KAZN: variants seen among roughly 807,000 people sequenced by gnomAD.
KAZN encodes kazrin, periplakin interacting protein.
Under a neutral mutation model 87.4 loss-of-function variants are expected in KAZN, and 40 were observed. The ratio of observed to expected loss-of-function variants is 0.46; its 90% CI spans 0.36 to 0.60. The LOEUF (loss-of-function observed/expected upper bound fraction) is 0.60, where lower values mean the gene tolerates loss of function less well. KAZN is among the 20% of genes least tolerant of loss of function. The pLI is 0.00. For missense variants in KAZN, 898 were observed against 1,073.9 expected (o/e 0.84, Z 2.29); for synonymous variants, 466 against 458.3 (o/e 1.02, Z -0.22).
intron 2 of KAZN, among the ~76,000 whole-genome samples, chr1:14,567,416 G>A (rs994606306): frequency 6.6e-6 from 1 of 152,168 alleles, no homozygotes; most frequent in Non-Finnish European, 1.5e-5. Flanking sequence ...AAAGTTTGAA[G>A]TATTGCAAAA....
intron 1 of KAZN, among the ~76,000 whole-genome samples, chr1:14,676,927 C>T (rs1640256429): frequency 6.6e-6 from 1 of 152,026 alleles, no homozygotes; most frequent in African/African-American, 2.4e-5. Context: ...GAATTGTATA[C>T]TTTAAAAGGG....
At chr1:14,570,559 A>G (rs958262788) in intron 2 of KAZN, among the ~76,000 whole-genome samples, 3 of 152,190 alleles carry the variant, frequency 2.0e-5, no homozygotes, top group African/African-American at 7.2e-5. Context: ...TGTAGCATTC[A>G]CTAGTACTTG....
chr1:14,417,177 CAAAAT>C (rs1001879073), intron 2 of KAZN, among the ~76,000 whole-genome samples: 1 of 117,258 alleles, frequency 8.5e-6, no homozygotes, highest in African/African-American at 3.4e-5. Flanking sequence ...GACTCTGTCT[CAAAAT>C]AAAAAAAAAA....
chr1:14,980,680 T>C (rs758359520), intron 2 of KAZN, among the ~76,000 whole-genome samples: 19 of 152,142 alleles, frequency 1.2e-4, no homozygotes, highest in Non-Finnish European at 5.9e-5. Flanking sequence ...TTTATGGACC[T>C]GAAAAAGACA....
chr1:14,013,431 T>C (rs1007426753), intron 1 of KAZN, among the ~76,000 whole-genome samples: 1 of 152,166 alleles, frequency 6.6e-6, no homozygotes, highest in African/African-American at 2.4e-5. Flanking sequence ...GGGTTTTTTT[T>C]AACCCCAAAA....
At chr1:15,010,617 C>T (rs530654812) in intron 2 of KAZN, among the ~76,000 whole-genome samples, 5 of 152,244 alleles carry the variant, frequency 3.3e-5, no homozygotes, top group East Asian at 1.9e-4. Flanking sequence ...TGGTCTCAAT[C>T]GCCTGACCTC....
chr1:15,031,272 G>A (rs1004187605), intron 2 of KAZN, among the ~76,000 whole-genome samples: 1 of 152,248 alleles, frequency 6.6e-6, no homozygotes, highest in Non-Finnish European at 1.5e-5. Flanking sequence ...CAGGCTGGAA[G>A]TTTCCAGAGT....
intron 1 of KAZN, among the ~76,000 whole-genome samples, chr1:14,654,932 G>A (rs936676024): frequency 6.6e-6 from 1 of 152,216 alleles, no homozygotes; most frequent in East Asian, 1.9e-4. Context: ...GGATTCTGGA[G>A]CAGCTGTTCA....
chr1:14,239,451 G>A (rs1238401387), intron 2 of KAZN, among the ~76,000 whole-genome samples: 1 of 110,644 alleles, frequency 9.0e-6, no homozygotes, highest in Non-Finnish European at 1.9e-5. Flanking sequence ...CATAAGTTGG[G>A]TTTCTTTTTT....
rs1646709948 is a variant in KAZN, at chr1:14,820,540, A to C, written c.227-140144A>C. On this transcript the variant is annotated intron_variant, in intron 1 of 14. Coordinates refer to ENST00000376030, the MANE Select transcript of KAZN (RefSeq NM_201628.3). This position sits in a 1 kb window ranked among gnomAD's most constrained non-coding sequence, Gnocchi z 4.1. ...CTGCCTGAACGAAGCTGGAGCGTGCAGAACAAACTGCATGGAATGTCACGT... is the reference window on the plus strand; with the variant it reads ...CTGCCTGAACGAAGCTGGAGCGTGCCGAACAAACTGCATGGAATGTCACGT... Among the ~76,000 whole-genome samples the C allele has an allele frequency of 6.6e-6, 1 of 152,258 alleles. No homozygotes were observed. Among genetic ancestry groups the C allele is most frequent in the South Asian group, 2.1e-4 (1 of 4,838 alleles).
In KAZN at chr1:14,475,651, A is replaced by G. The variant is rs868578480; in HGVS notation, c.250-123332A>G. Among the ~76,000 whole-genome samples, 78 of 152,270 alleles carry G rather than the reference A, an allele frequency of 5.1e-4. 1 individual carries two copies. Among genetic ancestry groups the G allele is most frequent in the Middle Eastern group, 3.4e-3 (1 of 294 alleles). ...GTGTTATAAACTATTCAGTATTTCA[A>G]TTTTTTAATTCACAATCCTGAATTC... On this transcript the variant is annotated intron_variant, in intron 2 of 16. Transcript: ENST00000636203.
chr1:13,923,806 A>T (rs968313100), intron 1 of KAZN, among the ~76,000 whole-genome samples: 2 of 151,850 alleles, frequency 1.3e-5, no homozygotes, highest in Admixed American at 6.6e-5. Flanking sequence ...ATGTAAGTGG[A>T]CCCATGCAGT....
At chr1:13,996,815 C>A (rs1639541616) in intron 1 of KAZN, among the ~76,000 whole-genome samples, 1 of 152,026 alleles carries the variant, frequency 6.6e-6, no homozygotes, top group South Asian at 2.1e-4. Context: ...GAGTGGGTTT[C>A]CCCCCAAGCG....
intron 2 of KAZN, among the ~76,000 whole-genome samples, chr1:14,448,620 C>G (rs1294936632): frequency 2.0e-5 from 3 of 152,312 alleles, no homozygotes; most frequent in Admixed American, 1.3e-4. Context: ...TTAGGGATTC[C>G]CAACAACTCT....
chr1:14,238,608 C>T (rs983130169), intron 2 of KAZN, among the ~76,000 whole-genome samples: 1 of 152,272 alleles, frequency 6.6e-6, no homozygotes, highest in African/African-American at 2.4e-5. Flanking sequence ...TCCTCTTGGC[C>T]ATCCGGGCTG....
At chr1:14,933,133 C>T (rs1451822216) in intron 1 of KAZN, among the ~76,000 whole-genome samples, 1 of 152,152 alleles carries the variant, frequency 6.6e-6, no homozygotes, top group Non-Finnish European at 1.5e-5. Flanking sequence ...CCCTTGTTGC[C>T]CAAGCTGGAG....
At chr1:14,362,841 A>G (rs1185118394) in intron 2 of KAZN, among the ~76,000 whole-genome samples, 1 of 152,108 alleles carries the variant, frequency 6.6e-6, no homozygotes, top group African/African-American at 2.4e-5. Flanking sequence ...TTTCTCATTC[A>G]CTACCCTGCC....
chr1:14,087,301 T>G (rs955347191), intron 1 of KAZN, among the ~76,000 whole-genome samples: 2 of 152,208 alleles, frequency 1.3e-5, no homozygotes, highest in African/African-American at 4.8e-5. Flanking sequence ...TATTGTTGTA[T>G]AGTGACCTTT....
At chr1:14,456,012 T>A (rs1443145761) in intron 2 of KAZN, among the ~76,000 whole-genome samples, 1 of 152,182 alleles carries the variant, frequency 6.6e-6, no homozygotes, top group African/African-American at 2.4e-5. Context: ...GTCCTGAATA[T>A]TGGTGCTGAC....
Sources: gnomAD v4.1 joint callset for allele counts (sites outside exome capture counted in the v4.1 genomes callset) on GRCh38, gnomAD v4.1.1 for gene constraint, Gnocchi (gnomAD v3.1) non-coding constraint, MANE v1.5 for transcripts, NCBI Gene and HGNC (gene_info 2026-07-23, HGNC 2026-07-21) for gene names.